Variants in CNTLN observed in about 807,000 individuals in gnomAD.
The protein encoded by CNTLN is centlein, also known as centlein, centrosomal protein.
CNTLN carries 212 observed loss-of-function variants against 180.0 expected under a neutral mutation model. The observed-to-expected ratio is 1.18, with a 90% confidence interval of 1.05 to 1.32. CNTLN has a LOEUF of 1.32. Ranked by LOEUF, CNTLN falls within the 40% of genes most tolerant of loss-of-function variation. The pLI, the probability that CNTLN is intolerant of heterozygous loss-of-function variation, is 0.00. For synonymous variants in CNTLN, 722 were observed against 563.1 expected, an observed-to-expected ratio of 1.28 and a Z score of -3.99; for missense variants, 2,095 against 1,610.9, an observed-to-expected ratio of 1.30 and a Z score of -5.14.
chr9:17,374,705 C>G (rs913927296), intron 13 of CNTLN, among the ~76,000 whole-genome samples: 9 of 151,844 alleles, frequency 5.9e-5, no homozygotes, highest in African/African-American at 2.2e-4. Flanking sequence ...CCTAAAAATA[C>G]AAAATGAGAG....
chr9:17,419,405 G>T (rs945388540), intron 18 of CNTLN, among the ~76,000 whole-genome samples: 1 of 152,004 alleles, frequency 6.6e-6, no homozygotes, highest in African/African-American at 2.4e-5. Flanking sequence ...GTATGTATCC[G>T]TTGCCACAGG....
intron 13 of CNTLN, among the ~76,000 whole-genome samples, chr9:17,387,198 G>T (rs1211918135): frequency 6.6e-6 from 1 of 152,082 alleles, no homozygotes; most frequent in Non-Finnish European, 1.5e-5. Context: ...GAATAATATT[G>T]TTTTCTTTTT....
chr9:17,187,840 A>G (rs115367895), intron 2 of CNTLN, among the ~76,000 whole-genome samples: 2 of 151,538 alleles, frequency 1.3e-5, no homozygotes, highest in Admixed American at 6.6e-5. Flanking sequence ...AAAAGAACCT[A>G]TGTAATATGT....
At chr9:17,154,003 T>A (rs958245755) in intron 2 of CNTLN, among the ~76,000 whole-genome samples, 2 of 152,224 alleles carry the variant, frequency 1.3e-5, no homozygotes, top group Admixed American at 1.3e-4. Context: ...TTCAGCTCTG[T>A]CAGGTCTTTT....
At chr9:17,318,947 A>G (rs931390991) in intron 8 of CNTLN, among the ~76,000 whole-genome samples, 2 of 152,218 alleles carry the variant, frequency 1.3e-5, no homozygotes, top group African/African-American at 2.4e-5. Flanking sequence ...TACAGGGGAT[A>G]CGAAACTGAA....
intron 5 of CNTLN, among the ~76,000 whole-genome samples, chr9:17,272,995 T>C (rs971606427): frequency 7.2e-5 from 11 of 152,154 alleles, no homozygotes; most frequent in African/African-American, 2.4e-4. Flanking sequence ...TTTCTTTTTT[T>C]ACAGATAATT....
chr9:17,278,628 A>G (rs1045908480), intron 6 of CNTLN, among the ~76,000 whole-genome samples: 2 of 152,192 alleles, frequency 1.3e-5, no homozygotes, highest in Non-Finnish European at 2.9e-5. Context: ...GTTTTACTGT[A>G]CAGCTTTTTT....
chr9:17,258,333 C>T (rs1160988527), intron 5 of CNTLN, among the ~76,000 whole-genome samples: 1 of 149,088 alleles, frequency 6.7e-6, no homozygotes, highest in Non-Finnish European at 1.5e-5. Flanking sequence ...TTCCATTGAT[C>T]TATATCTCTG....
intron 13 of CNTLN, among the ~76,000 whole-genome samples, chr9:17,385,608 C>G (rs1044424753): frequency 6.6e-6 from 1 of 152,146 alleles, no homozygotes; most frequent in African/African-American, 2.4e-5. Flanking sequence ...AGTGGACCCT[C>G]TGTATCCACG....
Position 17,332,744 on chromosome 9 carries a change from C to A in CNTLN, c.1644+14C>A. On this transcript the variant is annotated intron_variant, in intron 10 of 25. Coordinates refer to ENST00000380647, the MANE Select transcript of CNTLN (RefSeq NM_017738.4). ...CTACAACTAAAGGTGAACATTAAAT[C>A]ATTTCTTTAGTAGTAACCTTGCAAA... 1 of 1,572,088 alleles carries A rather than the reference C, an allele frequency of 6.4e-7. No individual in the cohort carries two copies. Among genetic ancestry groups the A allele is most frequent in the East Asian group, 2.3e-5 (1 of 43,992 alleles).
rs190360796 is a variant in CNTLN at position 17,394,389 on chromosome 9, C to A, written c.2080-145C>A. The A allele has an allele frequency of 2.1e-5, 14 of 675,050 alleles. No individual in the cohort carries two copies. The Admixed American group carries it at 4.9e-4, about 24-fold the overall frequency. The allele number at this position is 675,050 out of a possible 1,614,324, so 41.8% of individuals were successfully genotyped here. ...TTTTTGAATGTATTCATCTGCACTG[C>A]CTTAGAATTATCTAGAAATTAAGTA... On this transcript the variant is annotated intron_variant, in intron 14 of 25. Transcript: ENST00000380647.
At chr9:17,451,931 A>G (rs1168507924) in intron 18 of CNTLN, among the ~76,000 whole-genome samples, 1 of 152,206 alleles carries the variant, frequency 6.6e-6, no homozygotes, top group East Asian at 1.9e-4. Context: ...AAAAAGCTGT[A>G]GGTCAGAATC....
At chr9:17,363,229 G>T (rs1823545919) in intron 12 of CNTLN, among the ~76,000 whole-genome samples, 1 of 152,092 alleles carries the variant, frequency 6.6e-6, no homozygotes, top group South Asian at 2.1e-4. Flanking sequence ...TAATCCTCTG[G>T]GTATACCCAG....
At chr9:17,277,363 C>T (rs1196955005) in intron 6 of CNTLN, among the ~76,000 whole-genome samples, 1 of 152,042 alleles carries the variant, frequency 6.6e-6, no homozygotes, top group Non-Finnish European at 1.5e-5. Context: ...AATTTTGGTT[C>T]AGAAAATCTT....
chr9:17,340,178 T>A (rs1466720482), intron 10 of CNTLN, among the ~76,000 whole-genome samples: 1 of 152,034 alleles, frequency 6.6e-6, no homozygotes, highest in South Asian at 2.1e-4. Context: ...AAGAAGTAGT[T>A]GACTATAATT....
intron 5 of CNTLN, among the ~76,000 whole-genome samples, chr9:17,267,661 C>G (rs1827584486): frequency 1.3e-5 from 2 of 152,290 alleles, no homozygotes; most frequent in South Asian, 4.1e-4. Context: ...TTCTCCCCGA[C>G]ACTTTCAGGT....
chr9:17,452,833 G>T (rs1431543722), intron 18 of CNTLN, among the ~76,000 whole-genome samples: 1 of 152,076 alleles, frequency 6.6e-6, no homozygotes, highest in Non-Finnish European at 1.5e-5. Flanking sequence ...TAGGCCAGGG[G>T]TGACTAATTT....
intron 13 of CNTLN, among the ~76,000 whole-genome samples, chr9:17,367,512 G>T (rs780001792): frequency 1.1e-4 from 17 of 152,138 alleles, no homozygotes; most frequent in Non-Finnish European, 2.1e-4. Flanking sequence ...CACCAGCCAG[G>T]GCAGCTCATG....
intron 23 of CNTLN, among the ~76,000 whole-genome samples, chr9:17,473,706 T>C (rs1281213604): frequency 1.3e-5 from 2 of 152,168 alleles, no homozygotes; most frequent in African/African-American, 4.8e-5. Context: ...AAGTGATACC[T>C]ATTCTCTACC....
Sources: gnomAD v4.1 joint callset for allele counts (sites outside exome capture counted in the v4.1 genomes callset) on GRCh38, gnomAD v4.1.1 for gene constraint, MANE v1.5 for transcripts, NCBI Gene and HGNC (gene_info 2026-07-23, HGNC 2026-07-21) for gene names.